Variants in CREB5 observed in about 807,000 individuals in gnomAD.
CREB5 encodes cyclic AMP-responsive element-binding protein 5.
Under a neutral mutation model 57.1 loss-of-function variants are expected in CREB5, and 19 were observed. The observed-to-expected ratio is 0.33, with a 90% CI of 0.23 to 0.49. CREB5 has a LOEUF of 0.49. Ranked by LOEUF, CREB5 falls within the 20% of genes least tolerant of loss-of-function variation. The pLI, the probability that CREB5 is intolerant of heterozygous loss-of-function variation, is 0.99. For missense variants in CREB5, 579 were observed against 671.6 expected (o/e 0.86, Z 1.52); for synonymous variants, 238 against 238.3 (o/e 1.00, Z 0.01).
upstream of CREB5, among the ~76,000 whole-genome samples, chr7:28,411,636 G>A (rs1284074431): frequency 1.3e-5 from 2 of 152,162 alleles, no homozygotes; most frequent in Non-Finnish European, 2.9e-5. Context: ...TTTGGATAGA[G>A]GGAGAGAGGG....
At chr7:28,643,755 G>GC (rs200978076) in intron 5 of CREB5, among the ~76,000 whole-genome samples, 16,406 of 104,616 alleles carry the variant, frequency 0.16, 1,375 homozygotes, top group East Asian at 0.54. Flanking sequence ...GGGAGGTGGG[G>GC]GGGGGCGGAA....
intron 4 of CREB5, among the ~76,000 whole-genome samples, chr7:28,560,959 T>TGCGCGC (rs371106270): frequency 1.9e-4 from 6 of 32,158 alleles, no homozygotes; most frequent in African/African-American, 6.0e-4. Flanking sequence ...TGCGTGTGTG[T>TGCGCGC]GCGTGTGTGT....
chr7:28,607,632 T>C (rs1454341706), intron 5 of CREB5, among the ~76,000 whole-genome samples: 1 of 152,084 alleles, frequency 6.6e-6, no homozygotes, highest in African/African-American at 2.4e-5. Flanking sequence ...TCTGGAAGTG[T>C]AGTGCATTGG....
chr7:28,804,488 C>T lies in CREB5; in HGVS notation c.992C>T (p.Pro331Leu), dbSNP rs1375067820. 8.7e-6 allele frequency: 14 copies of T among 1,614,104 alleles called. No homozygotes were observed. Among genetic ancestry groups the T allele is most frequent in the Non-Finnish European group, 1.2e-5 (14 of 1,179,992 alleles). ...HAHPAHHQTS[P>L]HPPLHTGNQA... is the part of the protein sequence containing the mutation. The stretch of plus-strand genomic sequence containing the variant: ...CACCCAGCACATCACCAGACCTCGC[C>T]ACATCCGCCCCTGCACACCGGCAAC... Residue 331 changes from proline to leucine, a missense_variant, in exon 8 of 11, where the codon CCA (proline) becomes CTA (leucine). Physicochemically the swap from Pro to Leu is moderately conservative, Grantham distance 98. Around this residue, in one of 3 missense-constraint regions of CREB5, gnomAD observed 459 missense variants for 515.7 expected, o/e 0.89. Transcript: ENST00000357727.
At chr7:28,436,461 G>A (rs1461827424) in intron 1 of CREB5, among the ~76,000 whole-genome samples, 3 of 152,122 alleles carry the variant, frequency 2.0e-5, no homozygotes, top group East Asian at 1.9e-4. Flanking sequence ...ACTTATCTGT[G>A]TATTATTCCT....
At chr7:28,658,963 A>ATATATG (rs1554281592) in intron 5 of CREB5, among the ~76,000 whole-genome samples, 1 of 117,220 alleles carries the variant, frequency 8.5e-6, no homozygotes, top group Non-Finnish European at 2.0e-5. Context: ...GTATATATAT[A>ATATATG]TATATATATA....
At chr7:28,332,876 A>T (rs1785743577) in intron 1 of CREB5, among the ~76,000 whole-genome samples, 1 of 152,180 alleles carries the variant, frequency 6.6e-6, no homozygotes, top group Non-Finnish European at 1.5e-5. Flanking sequence ...CTATTGATGG[A>T]TGCTAATGTC....
chr7:28,463,714 T>C (rs1246190052), intron 1 of CREB5, among the ~76,000 whole-genome samples: 2 of 152,192 alleles, frequency 1.3e-5, no homozygotes, highest in Non-Finnish European at 2.9e-5. Flanking sequence ...CATTTTCTGA[T>C]TGCTCATTGC....
intron 5 of CREB5, among the ~76,000 whole-genome samples, chr7:28,618,003 T>G (rs1411783033): frequency 6.6e-6 from 1 of 152,156 alleles, no homozygotes; most frequent in African/African-American, 2.4e-5. Context: ...TTGAAAGCGC[T>G]GCATTAAAGG....
chr7:28,547,395 A>G (rs1369743394), intron 4 of CREB5, among the ~76,000 whole-genome samples: 1 of 152,236 alleles, frequency 6.6e-6, no homozygotes, highest in Non-Finnish European at 1.5e-5. Flanking sequence ...CGGATACAAA[A>G]TATGAATAGA....
intron 1 of CREB5, among the ~76,000 whole-genome samples, chr7:28,466,210 TAAAAAAAAA>T: frequency 1.1e-5 from 1 of 94,754 alleles, no homozygotes; most frequent in South Asian, 4.2e-4. Context: ...TGACTGGAGT[TAAAAAAAAA>T]AAAAAAAAAA....
chr7:28,735,749 A>G (rs917330251), intron 7 of CREB5, among the ~76,000 whole-genome samples: 1 of 152,090 alleles, frequency 6.6e-6, no homozygotes, highest in Non-Finnish European at 1.5e-5. Context: ...TCATTATATA[A>G]TAGTATTAAA....
In CREB5 at chr7:28,577,143, G is replaced by A. The variant is rs191134365; in HGVS notation, c.464+6606G>A. ...AAAACATTTGCCACCTTGGCTAAGC[G>A]CTCAGCTTCCCCAGGCCTGGTTTCC... On this transcript the variant is annotated intron_variant, in intron 5 of 10. Coordinates refer to ENST00000357727, the MANE Select transcript of CREB5 (RefSeq NM_182898.4). Among the ~76,000 whole-genome samples, 92 of 152,274 alleles carry A rather than the reference G, an allele frequency of 6.0e-4. 1 individual carries two copies. The East Asian group carries it at 0.015, about 25-fold the overall frequency.
In CREB5 at chr7:28,441,774, G is replaced by A. The variant is rs138754890; in HGVS notation, c.3+28857G>A. 3.3e-5 allele frequency among the ~76,000 whole-genome samples: 5 copies of A among 152,194 alleles called. No individual in the cohort carries two copies. The East Asian group carries it at 9.6e-4, about 29-fold the overall frequency. On this transcript the variant is annotated intron_variant, in intron 1 of 10. Transcript: ENST00000357727. ...TTGCTCAAAGTCTTATAGTTTATGGGTAGAAAAGCTGGAATATAAGTCAAG... is the reference window on the plus strand; with the variant it reads ...TTGCTCAAAGTCTTATAGTTTATGGATAGAAAAGCTGGAATATAAGTCAAG...
intron 3 of CREB5, among the ~76,000 whole-genome samples, chr7:28,499,463 C>T (rs1248658215): frequency 6.6e-6 from 1 of 152,040 alleles, no homozygotes; most frequent in Non-Finnish European, 1.5e-5. Flanking sequence ...ATTGTGTTGC[C>T]TGGAGGGAGA....
intron 1 of CREB5, among the ~76,000 whole-genome samples, chr7:28,367,237 A>G (rs1434427134): frequency 2.0e-5 from 3 of 152,118 alleles, no homozygotes; most frequent in Non-Finnish European, 4.4e-5. Flanking sequence ...ACTACTGGCC[A>G]TAGGTTAATG....
At chr7:28,579,741 A>G (rs1372836798) in intron 5 of CREB5, among the ~76,000 whole-genome samples, 1 of 152,226 alleles carries the variant, frequency 6.6e-6, no homozygotes, top group East Asian at 1.9e-4. Context: ...AGTCTATGGA[A>G]TGCATGAACA....
intron 5 of CREB5, among the ~76,000 whole-genome samples, chr7:28,589,796 T>G (rs1343622812): frequency 3.8e-4 from 5 of 13,036 alleles, no homozygotes; most frequent in Non-Finnish European, 5.8e-4. Flanking sequence ...TTTCTCTGCA[T>G]TAGGAGTATT....
chr7:28,458,874 G>A (rs1790226570), intron 1 of CREB5, among the ~76,000 whole-genome samples: 2 of 152,332 alleles, frequency 1.3e-5, no homozygotes, highest in East Asian at 1.9e-4. Flanking sequence ...AGTCCTGCAC[G>A]AGCCATGAAG....
Sources: allele counts gnomAD v4.1 joint callset (sites outside exome capture counted in the v4.1 genomes callset), GRCh38; gene constraint gnomAD v4.1.1; regional missense constraint gnomAD v4.1.1; transcripts MANE v1.5; gene names NCBI Gene and HGNC (gene_info 2026-07-23, HGNC 2026-07-21).